The following NCK2 variants were observed in gnomAD, a reference collection of about 807,000 sequenced individuals.
The protein encoded by NCK2 is NCK adaptor protein 2.
NCK2 carries 16 observed loss-of-function variants against 33.9 expected under a neutral mutation model. That is an observed-to-expected ratio of 0.47 (90% CI 0.32 to 0.72). The LOEUF (loss-of-function observed/expected upper bound fraction) is 0.72, where lower values mean the gene tolerates loss of function less well. Among genes scored for constraint, NCK2 ranks in the 30% least tolerant of loss-of-function variants. The probability of loss-of-function intolerance (pLI) is 0.03; values close to 1 mark genes in which losing one functional copy is unlikely to be tolerated. For missense variants in NCK2, 418 were observed against 537.3 expected (o/e 0.78, Z 2.19); for synonymous variants, 273 against 239.9 (o/e 1.14, Z -1.27).
rs1384694338 is a variant in NCK2, at chr2:105,792,273, T to A, written c.-200-24157T>A. 4.1e-4 allele frequency among the ~76,000 whole-genome samples: 63 copies of A among 152,220 alleles called. 1 individual carries two copies. Among genetic ancestry groups the A allele is most frequent in the Admixed American group, 4.1e-3 (63 of 15,290 alleles). Reference sequence around the variant, plus strand: ...GACATTCTTTGTAAGATGTGATTTCTTAGTTATCAAGATCATCATATTCAG... The same window carrying A: ...GACATTCTTTGTAAGATGTGATTTCATAGTTATCAAGATCATCATATTCAG... On this transcript the variant is annotated intron_variant, in intron 1 of 4. Coordinates refer to ENST00000233154, the MANE Select transcript of NCK2 (RefSeq NM_003581.5).
At chr2:105,850,293 C>T (rs150363707) in intron 2 of NCK2, among the ~76,000 whole-genome samples, 22 of 152,262 alleles carry the variant, frequency 1.4e-4, no homozygotes, top group African/African-American at 5.3e-4. Flanking sequence ...CAGCAAGATA[C>T]GGTTCATAGG....
intron 3 of NCK2, among the ~76,000 whole-genome samples, chr2:105,866,875 G>C (rs147809845): frequency 2.0e-5 from 3 of 152,300 alleles, no homozygotes; most frequent in South Asian, 4.1e-4. Flanking sequence ...TGAGTGCTTG[G>C]GATGCTCAGT....
In NCK2 at chr2:105,817,287, A is replaced by G. The variant is rs78689306; in HGVS notation, c.-17+674A>G. ...CTTGTGTATGTTACAATAAAATCAT[A>G]ACTGTGATGCAACATGTGGATTCTG... On this transcript the variant is annotated intron_variant, in intron 2 of 4. Transcript: ENST00000233154. Among the ~76,000 whole-genome samples the G allele has an allele frequency of 5.0e-4, 76 of 152,274 alleles. No homozygotes were observed. In the East Asian group the frequency reaches 0.015, roughly 29 times the overall value.
chr2:105,873,027 GCTGCCAGGAAAGGTCA>G (rs1214343924), intron 3 of NCK2, among the ~76,000 whole-genome samples: 1 of 152,164 alleles, frequency 6.6e-6, no homozygotes, highest in African/African-American at 2.4e-5. Flanking sequence ...CCCTCACCCG[GCTGCCAGGAAAGGTCA>G]CTGTCCTTCC....
chr2:105,804,431 C>G (rs1392075249), intron 1 of NCK2, among the ~76,000 whole-genome samples: 1 of 152,142 alleles, frequency 6.6e-6, no homozygotes, highest in Admixed American at 6.6e-5. Context: ...ATGCTCTTGT[C>G]TGGTTTTGGC....
At chr2:105,851,583 G>A (rs6745887) in intron 2 of NCK2, among the ~76,000 whole-genome samples, 46,093 of 152,188 alleles carry the variant, frequency 0.3, 7,403 homozygotes, top group South Asian at 0.42. Context: ...AGGGTCTTGG[G>A]AAGTGTGGCT....
At chr2:105,824,041 C>T (rs1675852343) in intron 2 of NCK2, among the ~76,000 whole-genome samples, 1 of 152,098 alleles carries the variant, frequency 6.6e-6, no homozygotes, top group Non-Finnish European at 1.5e-5. Context: ...GGTAGGCTCT[C>T]CCTTACAGGG....
chr2:105,826,562 T>C (rs1226541637), intron 2 of NCK2, among the ~76,000 whole-genome samples: 1 of 152,150 alleles, frequency 6.6e-6, no homozygotes, highest in Non-Finnish European at 1.5e-5. Context: ...AATGCAAAAA[T>C]GTAACTAATA....
intron 1 of NCK2, among the ~76,000 whole-genome samples, chr2:105,798,414 G>A (rs1573605806): frequency 1.3e-5 from 2 of 151,904 alleles, no homozygotes; most frequent in East Asian, 3.9e-4. Context: ...ATAAAATGAA[G>A]AGATCTGTCC....
At chr2:105,833,431 G>A (rs1676274034) in intron 2 of NCK2, among the ~76,000 whole-genome samples, 1 of 152,104 alleles carries the variant, frequency 6.6e-6, no homozygotes, top group Non-Finnish European at 1.5e-5. Context: ...AGCAAGTTAT[G>A]TGTGTCTAAG....
At chr2:105,801,380 C>T (rs574412562) in intron 1 of NCK2, among the ~76,000 whole-genome samples, 20 of 152,054 alleles carry the variant, frequency 1.3e-4, no homozygotes, top group Middle Eastern at 3.4e-3. Context: ...CCCATGTCAT[C>T]GTGTGCACCA....
intron 4 of NCK2, among the ~76,000 whole-genome samples, chr2:105,889,682 C>T (rs1319026946): frequency 6.6e-6 from 1 of 151,280 alleles, no homozygotes; most frequent in Non-Finnish European, 1.5e-5. Context: ...CTCCCGGGCT[C>T]AAGTGATCCT....
At chr2:105,810,426 C>G (rs1675248327) in intron 1 of NCK2, among the ~76,000 whole-genome samples, 1 of 152,132 alleles carries the variant, frequency 6.6e-6, no homozygotes, top group Non-Finnish European at 1.5e-5. Context: ...TTCCCTCCCT[C>G]TTTCCTTCCT....
chr2:105,851,836 T>G (rs1425155608), intron 2 of NCK2: 1 of 152,206 alleles, frequency 6.6e-6, no homozygotes, highest in African/African-American at 2.4e-5. Context: ...GGTGGTGAAT[T>G]GGTGGGCGTC....
At chr2:105,832,376 A>G (rs1374606857) in intron 2 of NCK2, among the ~76,000 whole-genome samples, 1 of 152,220 alleles carries the variant, frequency 6.6e-6, no homozygotes. Flanking sequence ...AGAGTCGTGA[A>G]GGAATAGGCA....
intron 1 of NCK2, among the ~76,000 whole-genome samples, chr2:105,770,318 C>G (rs1573571729): frequency 6.6e-6 from 1 of 152,230 alleles, no homozygotes; most frequent in East Asian, 1.9e-4. Context: ...CAGTGTGACT[C>G]CAGTTAGAGG....
chr2:105,767,683 C>T (rs2104370856), intron 1 of NCK2, among the ~76,000 whole-genome samples: 1 of 152,294 alleles, frequency 6.6e-6, no homozygotes, highest in Non-Finnish European at 1.5e-5. Flanking sequence ...AACCGCAGCC[C>T]CTAGTGTGCA....
At chr2:105,788,500 T>A (rs13414634) in intron 1 of NCK2, among the ~76,000 whole-genome samples, 35,361 of 152,102 alleles carry the variant, frequency 0.23, 5,547 homozygotes, top group African/African-American at 0.44. Flanking sequence ...TACTGTTATC[T>A]CCATCTCCTC....
chr2:105,837,481 A>G (rs777024116), intron 2 of NCK2, among the ~76,000 whole-genome samples: 21 of 152,150 alleles, frequency 1.4e-4, no homozygotes, highest in Admixed American at 6.5e-5. Context: ...ATGATAGTGA[A>G]TCATGTGACT....
Sources: gnomAD v4.1 joint callset for allele counts (sites outside exome capture counted in the v4.1 genomes callset) on GRCh38, gnomAD v4.1.1 for gene constraint, MANE v1.5 for transcripts, NCBI Gene and HGNC (gene_info 2026-07-23, HGNC 2026-07-21) for gene names.